The following EPB41L5 variants were observed in gnomAD, a reference collection of about 807,000 sequenced individuals.
The protein encoded by EPB41L5 is erythrocyte membrane protein band 4.1 like 5.
EPB41L5 carries 55 observed loss-of-function variants against 106.6 expected under a neutral mutation model. That is an observed-to-expected ratio of 0.52 (90% CI 0.42 to 0.65). EPB41L5 has a LOEUF of 0.65. Among genes scored for constraint, EPB41L5 ranks in the 30% least tolerant of loss-of-function variants. The pLI is 0.00. For missense variants in EPB41L5, 871 were observed against 882.1 expected (o/e 0.99, Z 0.16); for synonymous variants, 297 against 306.7 (o/e 0.97, Z 0.33).
chr2:120,100,875 A>G, intron 16 of EPB41L5, 61 bp downstream of exon 16: 1 of 1,150,716 alleles, frequency 8.7e-7, no homozygotes, highest in Non-Finnish European at 1.3e-6. Context: ...TGGAATTCCA[A>G]GTCATAATCT....
intron 20 of EPB41L5, among the ~76,000 whole-genome samples, chr2:120,152,023 T>C (rs1386164459): frequency 6.6e-6 from 1 of 152,216 alleles, no homozygotes; most frequent in African/African-American, 2.4e-5. Flanking sequence ...TATTTCTTTT[T>C]CTTACCTGAT....
chr2:120,088,198 A>G (rs1683192620), intron 11 of EPB41L5, among the ~76,000 whole-genome samples: 1 of 152,190 alleles, frequency 6.6e-6, no homozygotes, highest in Non-Finnish European at 1.5e-5. Context: ...TCCTCTGCTC[A>G]GTAATTTGAC....
chr2:120,154,246 C>T (rs1405090888), intron 20 of EPB41L5, among the ~76,000 whole-genome samples: 4 of 152,076 alleles, frequency 2.6e-5, no homozygotes, highest in Admixed American at 2.6e-4. Context: ...GCAACCTCTG[C>T]TTCCCGGGTT....
chr2:120,143,151 T>G lies in EPB41L5; in HGVS notation c.1728+20T>G, dbSNP rs1482126299. On this transcript the variant is annotated intron_variant, in intron 19 of 24. Transcript: ENST00000263713. ...CATAAGGTAAGCTGCCTTTGATAGA[T>G]AGCCCTGGTGAAGTGAAATGAGCAT... 3.2e-6 allele frequency: 5 copies of G among 1,554,400 alleles called. No homozygotes were observed. Among genetic ancestry groups the G allele is most frequent in the Non-Finnish European group, 4.3e-6 (5 of 1,156,120 alleles).
At chr2:120,048,366 G>C (rs970365105) in intron 3 of EPB41L5, among the ~76,000 whole-genome samples, 2 of 152,060 alleles carry the variant, frequency 1.3e-5, no homozygotes, top group African/African-American at 4.8e-5. Context: ...CAGGGATTCA[G>C]CTTCTTCCTG....
intron 20 of EPB41L5, among the ~76,000 whole-genome samples, chr2:120,154,151 GTATT>G (rs921015199): frequency 1.4e-5 from 2 of 146,758 alleles, no homozygotes; most frequent in African/African-American, 5.0e-5. Context: ...TTCCCTATAT[GTATT>G]TATTTATTTA....
chr2:120,020,553 T>C (rs1677850740), intron 2 of EPB41L5, among the ~76,000 whole-genome samples: 1 of 151,348 alleles, frequency 6.6e-6, no homozygotes, highest in Admixed American at 6.6e-5. Flanking sequence ...ATCTAAATTT[T>C]CTTCCTGTAA....
rs780602343 is a variant in EPB41L5 at position 120,143,136 on chromosome 2, G to A, written c.1728+5G>A. 5.1e-6 allele frequency: 8 copies of A among 1,581,670 alleles called. No individual in the cohort carries two copies. Among genetic ancestry groups the A allele is most frequent in the Non-Finnish European group, 6.9e-6 (8 of 1,167,748 alleles). ...CAAGTAGAAGCAGTGCATAAGGTAA[G>A]CTGCCTTTGATAGATAGCCCTGGTG... On this transcript the variant is annotated splice_donor_5th_base_variant and intron_variant, in intron 19 of 24. Coordinates refer to ENST00000263713, the MANE Select transcript of EPB41L5 (RefSeq NM_020909.4).
At chr2:120,071,188 C>T (rs1287127820) in intron 3 of EPB41L5, among the ~76,000 whole-genome samples, 1 of 151,688 alleles carries the variant, frequency 6.6e-6, no homozygotes, top group African/African-American at 2.4e-5. Context: ...TTCCTATACA[C>T]CAATAACAGA....
At chr2:120,093,917 A>C (rs922533784) in intron 14 of EPB41L5, among the ~76,000 whole-genome samples, 1 of 152,122 alleles carries the variant, frequency 6.6e-6, no homozygotes, top group African/African-American at 2.4e-5. Context: ...CTTTCTCTTT[A>C]TGTGAATCTT....
chr2:120,061,445 G>C (rs543364590), intron 3 of EPB41L5, among the ~76,000 whole-genome samples: 4 of 151,488 alleles, frequency 2.6e-5, no homozygotes, highest in African/African-American at 7.3e-5. Flanking sequence ...GGATGGTCTC[G>C]ATCTCCTGAC....
intron 11 of EPB41L5, among the ~76,000 whole-genome samples, chr2:120,088,247 T>C (rs1343470458): frequency 6.6e-6 from 1 of 152,228 alleles, no homozygotes; most frequent in Non-Finnish European, 1.5e-5. Context: ...AATGGGATAC[T>C]ATGCAGCCAT....
intron 17 of EPB41L5, among the ~76,000 whole-genome samples, chr2:120,130,121 G>C (rs1685628986): frequency 6.7e-6 from 1 of 149,744 alleles, no homozygotes; most frequent in South Asian, 2.2e-4. Context: ...ACTCCAGCCT[G>C]GGCAAGAGTG....
chr2:120,107,684 C>T (rs1345733179), intron 16 of EPB41L5, among the ~76,000 whole-genome samples: 1 of 152,134 alleles, frequency 6.6e-6, no homozygotes, highest in African/African-American at 2.4e-5. Flanking sequence ...TGGTAGTCTT[C>T]CTCTAACCCC....
chr2:120,077,942 A>G (rs1013884602), intron 9 of EPB41L5, among the ~76,000 whole-genome samples: 1 of 152,108 alleles, frequency 6.6e-6, no homozygotes, highest in Non-Finnish European at 1.5e-5. Flanking sequence ...AAACAGGCAC[A>G]TCTGTACATG....
chr2:120,152,414 CA>C (rs151002418), intron 20 of EPB41L5, among the ~76,000 whole-genome samples: 6,972 of 152,112 alleles, frequency 0.046, 226 homozygotes, highest in Non-Finnish European at 0.071. Context: ...AGTTTGATAA[CA>C]TTTTTTTTAG....
In EPB41L5 at chr2:120,167,999, T is replaced by C. The variant is rs1298736340; in HGVS notation, c.2127T>C (p.Ala709=). 6.2e-7 allele frequency: 1 copy of C among 1,614,134 alleles called. No homozygotes were observed. Among genetic ancestry groups the C allele is most frequent in the Admixed American group, 1.7e-5 (1 of 60,026 alleles). The change falls in exon 24 of 25, where the codon GCT becomes GCC. Residue 709 remains alanine, a synonymous_variant. Transcript: ENST00000263713. ...CCCCAGCGCCATTCTTGGTAGATGC[T>C]GTGACCAGGTGAGAAAATTATTTCT... ...ISPPAPFLVD[A]VTSSGPILAE...
intron 14 of EPB41L5, among the ~76,000 whole-genome samples, chr2:120,098,172 G>GTGTGTGTGTGTA (rs1209098035): frequency 2.6e-5 from 4 of 151,220 alleles, no homozygotes; most frequent in Non-Finnish European, 4.4e-5. Flanking sequence ...GTGTGTGTGT[G>GTGTGTGTGTGTA]TGTGTGTGTG....
intron 20 of EPB41L5, among the ~76,000 whole-genome samples, chr2:120,152,860 T>C (rs1020465554): frequency 1.3e-5 from 2 of 152,256 alleles, no homozygotes; most frequent in African/African-American, 4.8e-5. Flanking sequence ...GCATTTCACC[T>C]AGGTGATTTA....
Sources: gnomAD v4.1 joint callset for allele counts (sites outside exome capture counted in the v4.1 genomes callset) on GRCh38, gnomAD v4.1.1 for gene constraint, MANE v1.5 for transcripts, NCBI Gene and HGNC (gene_info 2026-07-23, HGNC 2026-07-21) for gene names.